Variants in ZNF784 observed in about 807,000 individuals in gnomAD.
ZNF784 encodes zinc finger protein 784.
A neutral mutation model predicts 3.3 loss-of-function variants in ZNF784; 5 were observed. That is an observed-to-expected ratio of 1.53 (90% CI 0.80 to 3.22). The LOEUF (loss-of-function observed/expected upper bound fraction) is 3.22. Among genes scored for constraint, ZNF784 ranks in the 30% most tolerant of loss-of-function variants. The pLI is 0.00. For missense variants in ZNF784, 501 were observed against 480.7 expected, an observed-to-expected ratio of 1.04 and a Z score of -0.39; for synonymous variants, 231 against 219.6, an observed-to-expected ratio of 1.05 and a Z score of -0.46.
In ZNF784 at chr19:55,621,455, G is replaced by A. The variant is rs182130125; in HGVS notation, c.*296C>T. ...AGGACAAGCCAACCAAGAGACAGTCGGGGAAGTGACATCCAGCCCGTGGGC... is the reference window on the plus strand; with the variant it reads ...AGGACAAGCCAACCAAGAGACAGTCAGGGAAGTGACATCCAGCCCGTGGGC... On this transcript the variant is annotated 3_prime_UTR_variant, in exon 2 of 2. Coordinates refer to ENST00000325351, the MANE Select transcript of ZNF784 (RefSeq NM_203374.2). The surrounding 1 kb of genome is among the most constrained non-coding windows in gnomAD (Gnocchi z 4.1). 36 of 521,900 alleles carry A rather than the reference G, an allele frequency of 6.9e-5. No individual in the cohort carries two copies. In the East Asian group the frequency reaches 1.0e-3, roughly 15 times the overall value. 32.3% of individuals were successfully genotyped at this position (521,900 alleles called of 1,614,324 possible). A position where few individuals can be genotyped will look rare whatever the true frequency, so the allele number is the denominator to read the frequency against.
intron 1 of ZNF784, among the ~76,000 whole-genome samples, chr19:55,623,302 G>A (rs1250341066): frequency 1.3e-5 from 2 of 152,200 alleles, no homozygotes; most frequent in Non-Finnish European, 2.9e-5. Context: ...CTAAAGTGCT[G>A]GGATTGCAGG....
Position 55,624,495 on chromosome 19 carries a change from G to A in ZNF784, c.67C>T (p.Pro23Ser), listed in dbSNP as rs746933437. 1 of 1,604,864 alleles carries A rather than the reference G, an allele frequency of 6.2e-7. No homozygotes were observed. Among genetic ancestry groups the A allele is most frequent in the Non-Finnish European group, 8.5e-7 (1 of 1,176,820 alleles). ...SPTPESRSQE[P>S]LDLVLVPDDC... ...TTCCTTGCCCGCACCAGGTCCAGTG[G>A]CTCCTGGGATCGCGACTCCGGAGTC... Residue 23 changes from proline (P) to serine (S), a missense_variant, in exon 1 of 2, where the codon CCA becomes TCA. Coordinates refer to ENST00000325351, the MANE Select transcript of ZNF784 (RefSeq NM_203374.2).
In ZNF784 at chr19:55,622,255, G is replaced by T; in HGVS notation, c.468C>A (p.Gly156=). The T allele has an allele frequency of 6.5e-7, 1 of 1,536,340 alleles. No individual in the cohort carries two copies. Among genetic ancestry groups the T allele is most frequent in the Non-Finnish European group, 8.7e-7 (1 of 1,145,364 alleles). The change falls in exon 2 of 2, where the codon GGC becomes GGA. Residue 156 remains glycine, a synonymous_variant. Transcript: ENST00000325351. The surrounding 1 kb of genome is among the most constrained non-coding windows in gnomAD (Gnocchi z 5.9). The part of the protein sequence containing the change: ...RHQHRHGVEP[G]TSRRPPDTAA... ...CTGTGTCCGGAGGCCTCCGAGAGGT[G>T]CCCGGCTCCACCCCGTGCCGGTGCT...
rs1981596926 is a variant in ZNF784 at position 55,622,335 on chromosome 19, G to C, written c.388C>G (p.Arg130Gly). The C allele has an allele frequency of 6.6e-7, 1 of 1,511,794 alleles. No homozygotes were observed. The highest frequency in any genetic ancestry group is 1.3e-5 in the South Asian group (1 of 78,878). The allele number at this position is 1,511,794 out of a possible 1,614,324, so 93.6% of individuals were successfully genotyped here. A position where few individuals can be genotyped will look rare whatever the true frequency, so the allele number is the denominator to read the frequency against. Reference sequence around the variant, plus strand: ...AAGGCGCGGGGGCAGAGCGCGCAGCGGTAGGGCCGCTCCCCCGTGTGCAAG... The same window carrying C: ...AAGGCGCGGGGGCAGAGCGCGCAGCCGTAGGGCCGCTCCCCCGTGTGCAAG... ...YSLHTGERPY[R>G]CALCPRAFKA... Residue 130 changes from arginine (R) to glycine (G), a missense_variant, in exon 2 of 2, where the codon CGC (arginine) becomes GGC (glycine). Physicochemically the swap from Arg to Gly is moderately radical, Grantham distance 125. Coordinates refer to ENST00000325351, the MANE Select transcript of ZNF784 (RefSeq NM_203374.2). The surrounding 1 kb of genome is among the most constrained non-coding windows in gnomAD (Gnocchi z 5.9).
rs1600022284 is a variant in ZNF784 at position 55,622,762 on chromosome 19, G to A, written c.79-118C>T. ...TTTTCAGACAGGGCCTCACTCTGTT[G>A]CCCTGGCGCGATCGTGGCTCATTGC... On this transcript the variant is annotated intron_variant, in intron 1 of 1. Transcript: ENST00000325351. This position sits in a 1 kb window ranked among gnomAD's most constrained non-coding sequence, Gnocchi z 5.9. 1.0e-6 allele frequency: 1 copy of A among 957,766 alleles called. No individual in the cohort carries two copies. The highest frequency in any genetic ancestry group is 3.0e-5 in the East Asian group (1 of 33,340). 59.3% of individuals were successfully genotyped at this position (957,766 alleles called of 1,614,324 possible).
chr19:55,624,434 G>T, intron 1 of ZNF784, 50 bp downstream of exon 1: 1 of 965,226 alleles, frequency 1.0e-6, no homozygotes, highest in Non-Finnish European at 1.5e-6. Context: ...CCCACACTAC[G>T]ACCTCCTCCC....
intron 1 of ZNF784, among the ~76,000 whole-genome samples, chr19:55,623,454 T>G (rs1472562960): frequency 6.6e-6 from 1 of 152,160 alleles, no homozygotes; most frequent in East Asian, 1.9e-4. Flanking sequence ...CCTCCAAAAT[T>G]GAAAAACCCA....
intron 1 of ZNF784, among the ~76,000 whole-genome samples, chr19:55,623,612 A>G (rs983041217): frequency 1.3e-5 from 2 of 152,316 alleles, no homozygotes; most frequent in East Asian, 1.9e-4. Flanking sequence ...AATCGTCACT[A>G]TAATATCTGT....
In ZNF784 at chr19:55,622,473, C is replaced by T. The variant is rs1234087968; in HGVS notation, c.250G>A (p.Glu84Lys). The T allele has an allele frequency of 3.1e-6, 5 of 1,612,218 alleles. No homozygotes were observed. Among genetic ancestry groups the T allele is most frequent in the Non-Finnish European group, 4.2e-6 (5 of 1,179,528 alleles). The change falls in exon 2 of 2, where the codon GAA (glutamate) becomes AAA (lysine). Residue 84 changes from glutamate (E) to lysine (K), a missense_variant. Transcript: ENST00000325351. The surrounding 1 kb of genome is among the most constrained non-coding windows in gnomAD (Gnocchi z 5.9). ...FRLVSELLFHEHGHLAGAEGG... is the reference protein window; with the variant it reads ...FRLVSELLFHKHGHLAGAEGG... Reference sequence around the variant, plus strand: ...TCGGCCCCAGCCAAGTGGCCATGTTCGTGGAACAGCAGCTCGGAAACCAGC... The same window carrying T: ...TCGGCCCCAGCCAAGTGGCCATGTTTGTGGAACAGCAGCTCGGAAACCAGC...
chr19:55,622,384 G>A lies in ZNF784; in HGVS notation c.339C>T (p.Pro113=), dbSNP rs1600021747. The change falls in exon 2 of 2, where the codon CCC becomes CCT. Residue 113 remains proline, a synonymous_variant. Transcript: ENST00000325351. This position sits in a 1 kb window ranked among gnomAD's most constrained non-coding sequence, Gnocchi z 5.9. The stretch of plus-strand genomic sequence containing the variant: ...AGCTGTAGTGCGCGCGCAGGCTGGC[G>A]GGGCCCGGGCAGCTGTGGCCGCACA... ...CHVCGHSCPG[P]ASLRAHYSLH... 1.3e-6 allele frequency: 2 copies of A among 1,546,882 alleles called. No individual in the cohort carries two copies. The highest frequency in any genetic ancestry group is 1.7e-6 in the Non-Finnish European group (2 of 1,148,678).
In ZNF784 at chr19:55,621,227, C is replaced by T. The variant is rs933929999; in HGVS notation, c.*524G>A. 6 of 166,958 alleles carry T rather than the reference C, an allele frequency of 3.6e-5. No individual in the cohort carries two copies. Among genetic ancestry groups the T allele is most frequent in the African/African-American group, 9.6e-5 (4 of 41,572 alleles). The allele number at this position is 166,958 out of a possible 1,614,324, so 10.3% of individuals were successfully genotyped here. On this transcript the variant is annotated 3_prime_UTR_variant, in exon 2 of 2. Coordinates refer to ENST00000325351, the MANE Select transcript of ZNF784 (RefSeq NM_203374.2). This position sits in a 1 kb window ranked among gnomAD's most constrained non-coding sequence, Gnocchi z 4.1. ...ATCCCAGAGTCTCTTCACAGATAAC[C>T]TGGTGAGTGTCTTCTGCCAGAGGGT... is the stretch of plus-strand genomic sequence containing the variant.
rs558625495 is a variant in ZNF784, at chr19:55,622,425, G to T, written c.298C>A (p.Pro100Thr). Residue 100 changes from proline (P) to threonine (T), a missense_variant, in exon 2 of 2, where the codon CCG (proline) becomes ACG (threonine). Physicochemically the swap from Pro to Thr is conservative, Grantham distance 38. Transcript: ENST00000325351. The surrounding 1 kb of genome is among the most constrained non-coding windows in gnomAD (Gnocchi z 5.9). Reference protein sequence around the residue: ...GAEGGGQGGDPSRCHVCGHSC... With the variant: ...GAEGGGQGGDTSRCHVCGHSC... ...TGGCCGCACACGTGGCACCGGCTCG[G>T]GTCCCCACCCTGCCCGCCTCCCTCG... 107 of 1,590,336 alleles carry T rather than the reference G, an allele frequency of 6.7e-5. No homozygotes were observed. The East Asian group carries it at 2.2e-3, about 33-fold the overall frequency.
rs975483527 is a variant in ZNF784 at position 55,621,316 on chromosome 19, C to T, written c.*435G>A. The stretch of plus-strand genomic sequence containing the variant: ...GGCAGGAGACTCCATCCTGGTCCAC[C>T]CGTGGAGGACCAGAGCAGAAGACTA... On this transcript the variant is annotated 3_prime_UTR_variant, in exon 2 of 2. Transcript: ENST00000325351. This position sits in a 1 kb window ranked among gnomAD's most constrained non-coding sequence, Gnocchi z 4.1. 32 of 239,978 alleles carry T rather than the reference C, an allele frequency of 1.3e-4. No individual in the cohort carries two copies. Among genetic ancestry groups the T allele is most frequent in the Non-Finnish European group, 5.8e-5 (7 of 120,096 alleles). 14.9% of individuals were successfully genotyped at this position (239,978 alleles called of 1,614,324 possible).
Position 55,622,259 on chromosome 19 carries a change from G to C in ZNF784, c.464C>G (p.Pro155Arg). The C allele has an allele frequency of 6.5e-7, 1 of 1,535,938 alleles. No individual in the cohort carries two copies. The highest frequency in any genetic ancestry group is 8.7e-7 in the Non-Finnish European group (1 of 1,144,972). Residue 155 changes from proline to arginine, a missense_variant, in exon 2 of 2, where the codon CCG becomes CGG. Pro to Arg is a moderately radical substitution (Grantham distance 103). Transcript: ENST00000325351. This position sits in a 1 kb window ranked among gnomAD's most constrained non-coding sequence, Gnocchi z 5.9. ...GTCCGGAGGCCTCCGAGAGGTGCCC[G>C]GCTCCACCCCGTGCCGGTGCTGGTG... is the stretch of plus-strand genomic sequence containing the variant. ...LRHQHRHGVE[P>R]GTSRRPPDTA... is the part of the protein sequence containing the mutation.
At position 55,621,666 on chromosome 19, in the gene ZNF784, C is replaced by G. The variant is rs1981554399; in HGVS notation, c.*85G>C. ...TCCCCCAATCTCCCCTCTTCTGTCCCCTGCCTCCGTTTCCCCACCCCGTCC... is the reference window on the plus strand; with the variant it reads ...TCCCCCAATCTCCCCTCTTCTGTCCGCTGCCTCCGTTTCCCCACCCCGTCC... On this transcript the variant is annotated 3_prime_UTR_variant, in exon 2 of 2. Transcript: ENST00000325351. The surrounding 1 kb of genome is among the most constrained non-coding windows in gnomAD (Gnocchi z 4.1). 5 of 1,508,562 alleles carry G rather than the reference C, an allele frequency of 3.3e-6. No individual in the cohort carries two copies. The South Asian group carries it at 6.2e-5, about 19-fold the overall frequency. 93.4% of individuals were successfully genotyped at this position (1,508,562 alleles called of 1,614,324 possible).
In ZNF784 at chr19:55,622,135, A is replaced by G. The variant is rs753764326; in HGVS notation, c.588T>C (p.Phe196=). Residue 196 remains phenylalanine (F), a synonymous_variant, in exon 2 of 2, where the codon TTT becomes TTC. Transcript: ENST00000325351. The surrounding 1 kb of genome is among the most constrained non-coding windows in gnomAD (Gnocchi z 5.9). The part of the protein sequence containing the change: ...AAAGAAVGKP[F]ACRFCAKPFR... Reference sequence around the variant, plus strand: ...AGGGCTTGGCGCAGAACCTGCAGGCAAAAGGCTTCCCCACCGCTGCGCCCG... The same window carrying G: ...AGGGCTTGGCGCAGAACCTGCAGGCGAAAGGCTTCCCCACCGCTGCGCCCG... 6 of 1,541,918 alleles carry G rather than the reference A, an allele frequency of 3.9e-6. No homozygotes were observed. The African/African-American group carries it at 8.2e-5, about 21-fold the overall frequency.
chr19:55,624,155 C>T lies in ZNF784; in HGVS notation c.78+329G>A, dbSNP rs576229604. On this transcript the variant is annotated intron_variant, in intron 1 of 1. Coordinates refer to ENST00000325351, the MANE Select transcript of ZNF784 (RefSeq NM_203374.2). ...AGAATTTATGAGGCCCCGCCCCTTACAAGGCTCCACCCAAATTATGCAAAT... is the reference window on the plus strand; with the variant it reads ...AGAATTTATGAGGCCCCGCCCCTTATAAGGCTCCACCCAAATTATGCAAAT... Among the ~76,000 whole-genome samples the T allele has an allele frequency of 1.9e-4, 29 of 151,976 alleles. 1 individual carries two copies. In the South Asian group the frequency reaches 5.0e-3, roughly 26 times the overall value.
At position 55,621,706 on chromosome 19, in the gene ZNF784, G is replaced by A. The variant is rs781392516; in HGVS notation, c.*45C>T. 1 of 1,588,564 alleles carries A rather than the reference G, an allele frequency of 6.3e-7. No homozygotes were observed. The highest frequency in any genetic ancestry group is 2.2e-5 in the East Asian group (1 of 44,534). ...CCACCCCGTCCCCCTCCCCGGGTCG[G>A]CCTCGTACCTCCGCCTTAACTAACC... On this transcript the variant is annotated 3_prime_UTR_variant, in exon 2 of 2. Transcript: ENST00000325351. The surrounding 1 kb of genome is among the most constrained non-coding windows in gnomAD (Gnocchi z 4.1).
Position 55,621,810 on chromosome 19 carries a change from C to A in ZNF784, c.913G>T (p.Asp305Tyr), listed in dbSNP as rs1981562991. 6 of 1,559,842 alleles carry A rather than the reference C, an allele frequency of 3.8e-6. No homozygotes were observed. In the East Asian group the frequency reaches 1.4e-4, roughly 36 times the overall value. ...TCCCCCCGCCCCTCCTCCGCAGGGT[C>A]CCCTACCCCACACCCGCTCCCCGAC... ...EGSGSGCGVGDPAEEGRGETA... is the reference protein window; with the variant it reads ...EGSGSGCGVGYPAEEGRGETA... The change falls in exon 2 of 2, where the codon GAC (aspartate) becomes TAC (tyrosine). Residue 305 changes from aspartate (D) to tyrosine (Y), a missense_variant. Asp to Tyr is a radical substitution (Grantham distance 160). Coordinates refer to ENST00000325351, the MANE Select transcript of ZNF784 (RefSeq NM_203374.2). The surrounding 1 kb of genome is among the most constrained non-coding windows in gnomAD (Gnocchi z 4.1).
Sources: allele counts gnomAD v4.1 joint callset (sites outside exome capture counted in the v4.1 genomes callset), GRCh38; gene constraint gnomAD v4.1.1; non-coding constraint Gnocchi (gnomAD v3.1); transcripts MANE v1.5; gene names NCBI Gene and HGNC (gene_info 2026-07-23, HGNC 2026-07-21).